OSMR: variants seen among roughly 807,000 people sequenced by gnomAD.
OSMR encodes the protein oncostatin-M-specific receptor subunit beta.
Under a neutral mutation model 99.9 loss-of-function variants are expected in OSMR, and 81 were observed. That is an observed-to-expected ratio of 0.81 (90% CI 0.68 to 0.97). OSMR has a LOEUF of 0.97. Ranked by LOEUF, OSMR falls within the 50% of genes least tolerant of loss-of-function variation. The pLI, the probability that OSMR is intolerant of heterozygous loss-of-function variation, is 0.00. For missense variants in OSMR, 1,099 were observed against 1,153.4 expected (o/e 0.95, Z 0.68); for synonymous variants, 406 against 410.4 (o/e 0.99, Z 0.13).
In OSMR at chr5:38,918,904, A is replaced by G; in HGVS notation, c.1427A>G (p.Asp476Gly). 6.2e-7 allele frequency: 1 copy of G among 1,614,130 alleles called. No homozygotes were observed. The change falls in exon 11 of 18, where the codon GAC (aspartate) becomes GGC (glycine). Residue 476 changes from aspartate to glycine, a missense_variant. Coordinates refer to ENST00000274276, the MANE Select transcript of OSMR (RefSeq NM_003999.3). ...LFYNVVVENL[D>G]KPSSSELHSI... Reference sequence around the variant, plus strand: ...TATAATGTAGTTGTAGAAAACCTAGACAAACCATCCAGTTCAGAGCTCCAT... The same window carrying G: ...TATAATGTAGTTGTAGAAAACCTAGGCAAACCATCCAGTTCAGAGCTCCAT...
intron 7 of OSMR, among the ~76,000 whole-genome samples, chr5:38,888,646 C>T (rs1743959350): frequency 3.3e-5 from 5 of 152,098 alleles, no homozygotes; most frequent in Admixed American, 2.6e-4. Context: ...ATTTTAACTC[C>T]TTTCTCATTT....
chr5:38,869,173 A>G, intron 2 of OSMR, 56 bp downstream of exon 2: 2 of 1,272,454 alleles, frequency 1.6e-6, no homozygotes, highest in South Asian at 1.2e-5. Flanking sequence ...AAATGAAGTC[A>G]TTGATGCTTT....
At chr5:38,922,289 G>T (rs544460584) in intron 12 of OSMR, among the ~76,000 whole-genome samples, 1 of 152,242 alleles carries the variant, frequency 6.6e-6, no homozygotes, top group African/African-American at 2.4e-5. Context: ...TTGAGCTGGA[G>T]GGGTGGGTGG....
At chr5:38,917,710 T>C (rs1745990925) in intron 10 of OSMR, 88 bp downstream of exon 10, 2 of 1,073,556 alleles carry the variant, frequency 1.9e-6, no homozygotes, top group African/African-American at 3.1e-5. Context: ...AACTGTGGAT[T>C]GGTTCAGTGT....
intron 7 of OSMR, among the ~76,000 whole-genome samples, chr5:38,902,071 AC>A (rs1744932110): frequency 6.6e-6 from 1 of 152,204 alleles, no homozygotes; most frequent in Non-Finnish European, 1.5e-5. Context: ...GCCTTTTGCG[AC>A]CAGCCAAACT....
At chr5:38,871,543 T>C (rs1290290836) in intron 2 of OSMR, among the ~76,000 whole-genome samples, 1 of 152,246 alleles carries the variant, frequency 6.6e-6, no homozygotes, top group Non-Finnish European at 1.5e-5. Flanking sequence ...TCTGAAGATT[T>C]ATTCCAAATA....
intron 1 of OSMR, chr5:38,942,300 G>C (rs368589608): frequency 6.4e-7 from 1 of 1,558,936 alleles, no homozygotes; most frequent in Non-Finnish European, 8.8e-7. Context: ...TCATAAATAT[G>C]AGGTCAGGAT....
intron 9 of OSMR, among the ~76,000 whole-genome samples, chr5:38,909,570 C>T (rs1318994339): frequency 1.3e-5 from 2 of 152,282 alleles, no homozygotes; most frequent in East Asian, 3.9e-4. Context: ...GAGATTGGGG[C>T]CTGTACTGAA....
chr5:38,943,167 T>TTA (rs1554058623), intron 1 of OSMR: 1,406 of 413,378 alleles, frequency 3.4e-3, no homozygotes, highest in Middle Eastern at 6.1e-3. Context: ...GGTTTTTTTT[T>TTA]AAAAAAAATG....
intron 1 of OSMR, chr5:38,942,088 C>T (rs1012604789): frequency 2.6e-6 from 1 of 391,100 alleles, no homozygotes; most frequent in East Asian, 3.6e-5. Flanking sequence ...GGTAATGAAT[C>T]ATGAACCCCT....
At chr5:38,945,348 A>G (rs1748071856), downstream of OSMR, 1 of 637,218 alleles carries the variant, frequency 1.6e-6, no homozygotes, top group South Asian at 2.0e-5. Context: ...GCATCTCAGC[A>G]TAACATAATT....
intron 1 of OSMR, among the ~76,000 whole-genome samples, chr5:38,863,645 A>C (rs1741695597): frequency 6.6e-6 from 1 of 152,204 alleles, no homozygotes; most frequent in South Asian, 2.1e-4. Context: ...GTGTTGGATA[A>C]AATGTTCTGT....
intron 11 of OSMR, 52 bp from the exon 12 acceptor site, chr5:38,921,563 A>G (rs367553649): frequency 1.9e-6 from 3 of 1,612,698 alleles, no homozygotes; most frequent in Non-Finnish European, 2.5e-6. Context: ...CACACTTAAA[A>G]CAATTTACAG....
At chr5:38,888,981 A>T (rs1008915308) in intron 7 of OSMR, among the ~76,000 whole-genome samples, 1 of 152,048 alleles carries the variant, frequency 6.6e-6, no homozygotes, top group African/African-American at 2.4e-5. Flanking sequence ...AGTATCGTGA[A>T]TTTTATTGTT....
At chr5:38,913,556 A>G (rs1338486264) in intron 9 of OSMR, among the ~76,000 whole-genome samples, 1 of 152,054 alleles carries the variant, frequency 6.6e-6, no homozygotes, top group Non-Finnish European at 1.5e-5. Flanking sequence ...TCTCAAAAAA[A>G]AAAAAAAAAA....
chr5:38,918,007 A>G (rs963049139), intron 10 of OSMR, among the ~76,000 whole-genome samples: 1 of 152,220 alleles, frequency 6.6e-6, no homozygotes, highest in African/African-American at 2.4e-5. Flanking sequence ...AATAAATTTT[A>G]TCCTTCTATC....
At chr5:38,944,623 TA>T (rs1443707559) in intron 2 of OSMR, 6 of 1,429,236 alleles carry the variant, frequency 4.2e-6, no homozygotes, top group Non-Finnish European at 5.7e-6. Flanking sequence ...ATAAAATGAT[TA>T]AAACTCATGA....
chr5:38,892,240 GAACA>G (rs1313924430), intron 7 of OSMR, among the ~76,000 whole-genome samples: 1 of 152,094 alleles, frequency 6.6e-6, no homozygotes, highest in African/African-American at 2.4e-5. Flanking sequence ...GCCACTACCT[GAACA>G]TTTCAGCTGT....
At chr5:38,893,139 G>A (rs1001059415) in intron 7 of OSMR, among the ~76,000 whole-genome samples, 3 of 152,310 alleles carry the variant, frequency 2.0e-5, no homozygotes, top group East Asian at 1.9e-4. Context: ...GCTCTTACCC[G>A]CAAGTGTCAT....
Sources: allele counts gnomAD v4.1 joint callset (sites outside exome capture counted in the v4.1 genomes callset), GRCh38; gene constraint gnomAD v4.1.1; transcripts MANE v1.5; gene names NCBI Gene and HGNC (gene_info 2026-07-23, HGNC 2026-07-21).